Variants in SLC6A17 observed in about 807,000 individuals in gnomAD.
SLC6A17 encodes the protein solute carrier family 6 member 17.
SLC6A17 carries 21 observed loss-of-function variants against 64.5 expected under a neutral mutation model. The ratio of observed to expected loss-of-function variants is 0.33; its 90% confidence interval spans 0.23 to 0.47. The LOEUF is 0.47. Among genes scored for constraint, SLC6A17 ranks in the 20% least tolerant of loss-of-function variants. SLC6A17 has a pLI of 1.00. For synonymous variants in SLC6A17, 372 were observed against 399.5 expected, an observed-to-expected ratio of 0.93 and a Z score of 0.82; for missense variants, 682 against 963.2, an observed-to-expected ratio of 0.71 and a Z score of 3.86.
chr1:110,156,304 G>A (rs771480232), intron 1 of SLC6A17, among the ~76,000 whole-genome samples: 2 of 152,194 alleles, frequency 1.3e-5, no homozygotes, highest in Non-Finnish European at 2.9e-5. Context: ...CTTCCTGAAT[G>A]TATCATTTTG....
rs1435927629 is a variant in SLC6A17 at position 110,199,502 on chromosome 1, G to C, written c.*1058G>C. On this transcript the variant is annotated 3_prime_UTR_variant, in exon 12 of 12. Transcript: ENST00000331565. ...TTATCCCCAGGAAGCCTCACTCCTGGGGAAAGACAGATAATTTCACTGCCC... is the reference window on the plus strand; with the variant it reads ...TTATCCCCAGGAAGCCTCACTCCTGCGGAAAGACAGATAATTTCACTGCCC... 2 of 153,630 alleles carry C rather than the reference G, an allele frequency of 1.3e-5. No homozygotes were observed. Among genetic ancestry groups the C allele is most frequent in the Non-Finnish European group, 2.9e-5 (2 of 69,108 alleles). 9.5% of individuals were successfully genotyped at this position (153,630 alleles called of 1,614,324 possible). A position where few individuals can be genotyped will look rare whatever the true frequency, so the allele number is the denominator to read the frequency against.
At chr1:110,185,444 G>T (rs1388691342) in intron 6 of SLC6A17, among the ~76,000 whole-genome samples, 1 of 152,226 alleles carries the variant, frequency 6.6e-6, no homozygotes, top group Non-Finnish European at 1.5e-5. Flanking sequence ...CTCCTGTCAC[G>T]CATGCGCTCA....
chr1:110,159,454 A>G (rs1489516454), intron 1 of SLC6A17, among the ~76,000 whole-genome samples: 4 of 152,196 alleles, frequency 2.6e-5, no homozygotes, highest in East Asian at 3.8e-4. Context: ...CTTGACAAAG[A>G]AAACAAGATA....
intron 3 of SLC6A17, 53 bp from the exon 4 acceptor site, chr1:110,173,915 TGGGGG>T: frequency 2.9e-5 from 45 of 1,539,858 alleles, no homozygotes; most frequent in Admixed American, 1.9e-4. Context: ...GGGTGGAGCG[TGGGGG>T]CAGGGTGGAG....
In SLC6A17 at chr1:110,192,652, C is replaced by T. The variant is rs775059389; in HGVS notation, c.1253C>T (p.Ser418Leu). The T allele has an allele frequency of 4.3e-6, 7 of 1,614,012 alleles. No individual in the cohort carries two copies. Among genetic ancestry groups the T allele is most frequent in the Non-Finnish European group, 5.9e-6 (7 of 1,180,006 alleles). ...VIMTVKEDQF[S>L]ALGLDPCLLE... ...ATGACCGTGAAGGAGGACCAGTTCT[C>T]AGCCCTGGGCCTTGACCCCTGCCTT... is the stretch of plus-strand genomic sequence containing the variant. Residue 418 changes from serine (S) to leucine (L), a missense_variant, in exon 8 of 12, where the codon TCA becomes TTA. Transcript: ENST00000331565. The surrounding 1 kb of genome is among the most constrained non-coding windows in gnomAD (Gnocchi z 4.3).
At chr1:110,173,844 C>A in intron 3 of SLC6A17, 129 bp from the exon 4 acceptor site, 1 of 1,393,516 alleles carries the variant, frequency 7.2e-7, no homozygotes, top group Non-Finnish European at 9.6e-7. Flanking sequence ...CACCCTATCC[C>A]TCCTTGCCTC....
intron 1 of SLC6A17, among the ~76,000 whole-genome samples, chr1:110,159,436 C>G (rs2101838463): frequency 6.6e-6 from 1 of 152,308 alleles, no homozygotes; most frequent in South Asian, 2.1e-4. Context: ...TTCCTGCTTC[C>G]CTTCCTTCTT....
rs945964380 is a variant in SLC6A17, at chr1:110,201,212, T to C, written c.*2768T>C. On this transcript the variant is annotated 3_prime_UTR_variant, in exon 12 of 12. Transcript: ENST00000331565. Reference sequence around the variant, plus strand: ...TTTGCCGTTGACGCAGTCCTGACAGTGTTTGAAAAGGGCCGCCTGCCCCCT... The same window carrying C: ...TTTGCCGTTGACGCAGTCCTGACAGCGTTTGAAAAGGGCCGCCTGCCCCCT... 1.3e-5 allele frequency: 2 copies of C among 152,228 alleles called. No homozygotes were observed. The highest frequency in any genetic ancestry group is 6.5e-5 in the Admixed American group (1 of 15,302). The allele number at this position is 152,228 out of a possible 1,614,324, so 9.4% of individuals were successfully genotyped here.
chr1:110,188,215 C>T (rs1258811467), intron 6 of SLC6A17, among the ~76,000 whole-genome samples: 1 of 152,168 alleles, frequency 6.6e-6, no homozygotes, highest in Non-Finnish European at 1.5e-5. Flanking sequence ...GAAACAAAAG[C>T]TTGTATTCCA....
chr1:110,189,842 C>T lies in SLC6A17; in HGVS notation c.865-2130C>T, dbSNP rs182352439. ...CAGCTTTCAAATGTCAGCTTGAGGACCCCTTCTTCTGGGAAGCCTTGCCTG... is the reference window on the plus strand; with the variant it reads ...CAGCTTTCAAATGTCAGCTTGAGGATCCCTTCTTCTGGGAAGCCTTGCCTG... On this transcript the variant is annotated intron_variant, in intron 6 of 11. Coordinates refer to ENST00000331565, the MANE Select transcript of SLC6A17 (RefSeq NM_001010898.4). 1.9e-3 allele frequency among the ~76,000 whole-genome samples: 291 copies of T among 152,322 alleles called. 1 individual carries two copies. Among genetic ancestry groups the T allele is most frequent in the African/African-American group, 6.4e-3 (264 of 41,572 alleles).
intron 1 of SLC6A17, 24 bp from the exon 2 acceptor site, chr1:110,166,819 T>G (rs1224136760): frequency 1.1e-5 from 15 of 1,398,592 alleles, no homozygotes; most frequent in Non-Finnish European, 1.4e-5. Context: ...CAGATAATCC[T>G]TTACTGCTCA....
chr1:110,173,566 G>C (rs1302363269), intron 3 of SLC6A17, among the ~76,000 whole-genome samples: 1 of 152,150 alleles, frequency 6.6e-6, no homozygotes, highest in African/African-American at 2.4e-5. Flanking sequence ...CAGCAGTCTG[G>C]GTTTGTTTAC....
chr1:110,150,628 GTGGGACC>G lies in SLC6A17; in HGVS notation c.-338_-332del, dbSNP rs1655569848. The G allele has an allele frequency of 6.6e-6, 1 of 152,300 alleles. No individual in the cohort carries two copies. Among genetic ancestry groups the G allele is most frequent in the Non-Finnish European group, 1.5e-5 (1 of 68,102 alleles). The allele number at this position is 152,300 out of a possible 1,614,324, so 9.4% of individuals were successfully genotyped here. ...CGCAATCCCGCGCGCTCTCTCCGCC[GTGGGACC>G]TGGGTCCCCGCGCCGCTCCCCTGAG... On this transcript the variant is annotated 5_prime_UTR_variant, in exon 1 of 12. Coordinates refer to ENST00000331565, the MANE Select transcript of SLC6A17 (RefSeq NM_001010898.4).
chr1:110,176,858 G>A lies in SLC6A17; in HGVS notation c.864+119G>A, dbSNP rs542488057. On this transcript the variant is annotated intron_variant, in intron 6 of 11. Transcript: ENST00000331565. ...GAACACCTGCTATGTGTTGGGTATC[G>A]TACCAGGCCCTGGAGAGATGCACAG... The A allele has an allele frequency of 7.4e-5, 66 of 887,638 alleles. 1 individual carries two copies. The African/African-American group carries it at 9.7e-4, about 13-fold the overall frequency. The allele number at this position is 887,638 out of a possible 1,614,324, so 55.0% of individuals were successfully genotyped here.
chr1:110,199,419 A>C lies in SLC6A17; in HGVS notation c.*975A>C, dbSNP rs957116732. On this transcript the variant is annotated 3_prime_UTR_variant, in exon 12 of 12. Transcript: ENST00000331565. Reference sequence around the variant, plus strand: ...TCCCCTCCCTCCTCACCTGGGGTCCAATGTTCTGTCTAGTGGCAGCTTTTC... The same window carrying C: ...TCCCCTCCCTCCTCACCTGGGGTCCCATGTTCTGTCTAGTGGCAGCTTTTC... The C allele has an allele frequency of 6.6e-6, 1 of 152,386 alleles. No individual in the cohort carries two copies. Among genetic ancestry groups the C allele is most frequent in the Non-Finnish European group, 1.5e-5 (1 of 68,180 alleles). 9.4% of individuals were successfully genotyped at this position (152,386 alleles called of 1,614,324 possible).
At chr1:110,197,980 A>AG in intron 11 of SLC6A17, 96 bp from the exon 12 acceptor site, 1 of 1,507,132 alleles carries the variant, frequency 6.6e-7, no homozygotes, top group Non-Finnish European at 8.8e-7. Flanking sequence ...GAGGAGTGGA[A>AG]GGCCATGGGT....
chr1:110,165,394 T>C (rs1245507223), intron 1 of SLC6A17, among the ~76,000 whole-genome samples: 1 of 152,106 alleles, frequency 6.6e-6, no homozygotes, highest in Non-Finnish European at 1.5e-5. Flanking sequence ...TATAGGGAAT[T>C]CTGTGGTCCT....
intron 6 of SLC6A17, among the ~76,000 whole-genome samples, chr1:110,184,693 T>C (rs1656632839): frequency 6.6e-6 from 1 of 152,136 alleles, no homozygotes; most frequent in Non-Finnish European, 1.5e-5. Flanking sequence ...GCAAGGGCAG[T>C]GGCCCCAGGA....
intron 10 of SLC6A17, 70 bp from the exon 11 acceptor site, chr1:110,197,367 A>C: frequency 6.5e-7 from 1 of 1,537,428 alleles, no homozygotes; most frequent in Non-Finnish European, 8.8e-7. Flanking sequence ...TCTGGAGGAG[A>C]TGGTGATGGG....
Sources: allele counts gnomAD v4.1 joint callset (sites outside exome capture counted in the v4.1 genomes callset), GRCh38; gene constraint gnomAD v4.1.1; non-coding constraint Gnocchi (gnomAD v3.1); transcripts MANE v1.5; gene names NCBI Gene and HGNC (gene_info 2026-07-23, HGNC 2026-07-21).